The following DCBLD2 variants were observed in gnomAD, a reference collection of about 807,000 sequenced individuals.
DCBLD2 encodes discoidin, CUB and LCCL domain containing 2.
A neutral mutation model predicts 86.8 loss-of-function variants in DCBLD2; 54 were observed. The ratio of observed to expected loss-of-function variants is 0.62; its 90% CI spans 0.50 to 0.78. DCBLD2 has a LOEUF of 0.78. Ranked by LOEUF, DCBLD2 falls within the 30% of genes least tolerant of loss-of-function variation. The pLI, the probability that DCBLD2 is intolerant of heterozygous loss-of-function variation, is 0.00. For missense variants in DCBLD2, 908 were observed against 954.2 expected, an observed-to-expected ratio of 0.95 and a Z score of 0.64; for synonymous variants, 354 against 341.3, an observed-to-expected ratio of 1.04 and a Z score of -0.41.
intron 1 of DCBLD2, chr3:98,900,844 A>T (rs925315339): frequency 2.0e-6 from 1 of 502,804 alleles, no homozygotes. Context: ...AATTTTCCCC[A>T]GAAGGACCTA....
In DCBLD2 at chr3:98,811,259, T is replaced by C; in HGVS notation, c.1511A>G (p.Gln504Arg). 1 of 1,613,040 alleles carries C rather than the reference T, an allele frequency of 6.2e-7. No individual in the cohort carries two copies. The highest frequency in any genetic ancestry group is 1.3e-5 in the African/African-American group (1 of 74,962). The change falls in exon 12 of 16, where the codon CAG (glutamine) becomes CGG (arginine). Residue 504 changes from glutamine (Q) to arginine (R), a missense_variant. By Grantham distance (43) the Gln-to-Arg change is conservative. This residue lies in a region of DCBLD2 where 606 missense variants were observed against 678.5 expected (regional missense o/e 0.89). Transcript: ENST00000326840. ...QPRSSNEFPA[Q>R]TEQTTASPDI... ...AGGACTGGCAGTTGTTTGTTCTGTC[T>C]GTGCAGGAAATTCATTGCTACTGCG...
At chr3:98,822,624 A>G (rs760352412) in intron 5 of DCBLD2, 45 bp downstream of exon 5, 13 of 1,508,106 alleles carry the variant, frequency 8.6e-6, no homozygotes, top group South Asian at 1.3e-5. Context: ...TTCTAAAAAA[A>G]TAGAGTTATA....
At chr3:98,879,531 C>G (rs377499598) in intron 2 of DCBLD2, among the ~76,000 whole-genome samples, 2 of 152,054 alleles carry the variant, frequency 1.3e-5, no homozygotes, top group African/African-American at 4.8e-5. Flanking sequence ...GGACTACAGG[C>G]GCCCGCCACC....
At chr3:98,848,488 T>G (rs1263074557) in intron 3 of DCBLD2, among the ~76,000 whole-genome samples, 1 of 152,226 alleles carries the variant, frequency 6.6e-6, no homozygotes, top group East Asian at 1.9e-4. Flanking sequence ...ATATATCCAG[T>G]AATAGGATTG....
At chr3:98,827,047 A>C (rs1156381577) in intron 3 of DCBLD2, among the ~76,000 whole-genome samples, 1 of 152,178 alleles carries the variant, frequency 6.6e-6, no homozygotes, top group Non-Finnish European at 1.5e-5. Flanking sequence ...AGAGCTTAAT[A>C]ACTGTGTTGT....
At chr3:98,801,186 G>T in intron 14 of DCBLD2, 1 of 238,048 alleles carries the variant, frequency 4.2e-6, no homozygotes, top group East Asian at 8.4e-5. Context: ...CATCATGGGA[G>T]ACCTCCCGAT....
At chr3:98,854,921 G>C (rs1294062014) in intron 2 of DCBLD2, among the ~76,000 whole-genome samples, 1 of 152,166 alleles carries the variant, frequency 6.6e-6, no homozygotes, top group African/African-American at 2.4e-5. Context: ...ACTTTGAGAA[G>C]AGCTTCACGA....
chr3:98,845,666 A>G (rs1052102426), intron 3 of DCBLD2, among the ~76,000 whole-genome samples: 1 of 152,134 alleles, frequency 6.6e-6, no homozygotes, highest in African/African-American at 2.4e-5. Flanking sequence ...AACAGCTTCC[A>G]TGCACTCTTA....
intron 13 of DCBLD2, among the ~76,000 whole-genome samples, chr3:98,805,701 C>T (rs1941825263): frequency 1.3e-5 from 2 of 152,278 alleles, no homozygotes; most frequent in East Asian, 1.9e-4. Context: ...CAGCTCAGAT[C>T]GTGTCCTTAA....
At chr3:98,861,205 G>A (rs1406568642) in intron 2 of DCBLD2, among the ~76,000 whole-genome samples, 1 of 152,156 alleles carries the variant, frequency 6.6e-6, no homozygotes. Context: ...GCCAATACAG[G>A]AGAACCCAGA....
At chr3:98,841,095 T>C (rs916888693) in intron 3 of DCBLD2, among the ~76,000 whole-genome samples, 11 of 152,144 alleles carry the variant, frequency 7.2e-5, no homozygotes, top group African/African-American at 2.7e-4. Flanking sequence ...ATAGTATCTA[T>C]AAAAAGAGTT....
At chr3:98,801,508 G>C in intron 14 of DCBLD2, 92 bp downstream of exon 14, 1 of 985,280 alleles carries the variant, frequency 1.0e-6, no homozygotes, top group South Asian at 1.7e-5. Flanking sequence ...GAGTTCACCT[G>C]GGCCAGAGAA....
Position 98,881,616 on chromosome 3 carries a change from G to A in DCBLD2, c.357C>T (p.Asp119=), listed in dbSNP as rs376023640. The change falls in exon 2 of 16, where the codon GAC becomes GAT. Residue 119 remains aspartate, a synonymous_variant. Transcript: ENST00000326840. ...AGTGACAAGAATCAGAATCTTCAAT[G>A]TCAAAGTCACCAAATTTGATGCGAA... ...ERVRIKFGDF[D]IEDSDSCHFN... is the part of the protein sequence containing the mutation. 8.7e-6 allele frequency: 14 copies of A among 1,613,870 alleles called. No individual in the cohort carries two copies. Among genetic ancestry groups the A allele is most frequent in the Non-Finnish European group, 1.2e-5 (14 of 1,179,856 alleles).
chr3:98,813,034 T>G (rs1191153659), intron 9 of DCBLD2: 1 of 152,234 alleles, frequency 6.6e-6, no homozygotes, highest in Non-Finnish European at 1.5e-5. Flanking sequence ...TTATCCCGGT[T>G]TTTGTTCCAT....
At chr3:98,888,016 T>C (rs1056184055) in intron 1 of DCBLD2, among the ~76,000 whole-genome samples, 1 of 152,032 alleles carries the variant, frequency 6.6e-6, no homozygotes, top group African/African-American at 2.4e-5. Context: ...TGGTAACCAC[T>C]GATCTTTTTC....
At chr3:98,887,643 T>A (rs1266325406) in intron 1 of DCBLD2, among the ~76,000 whole-genome samples, 1 of 152,042 alleles carries the variant, frequency 6.6e-6, no homozygotes. Context: ...TGGTAAAACA[T>A]ATATAACATA....
At chr3:98,896,715 A>G (rs1943756623) in intron 1 of DCBLD2, among the ~76,000 whole-genome samples, 1 of 152,192 alleles carries the variant, frequency 6.6e-6, no homozygotes, top group Admixed American at 6.5e-5. Flanking sequence ...AAAAATAAAT[A>G]CAAAGTCCTA....
intron 3 of DCBLD2, among the ~76,000 whole-genome samples, chr3:98,828,451 AAAAAGATGCTCAGCAT>A (rs1419775437): frequency 6.6e-6 from 1 of 152,230 alleles, no homozygotes; most frequent in Non-Finnish European, 1.5e-5. Flanking sequence ...ACAGGCACAT[AAAAAGATGCTCAGCAT>A]CATTAGCCAT....
Position 98,802,548 on chromosome 3 carries a change from G to C in DCBLD2, c.1671-899C>G, listed in dbSNP as rs373343049. Among the ~76,000 whole-genome samples, 494 of 152,126 alleles carry C rather than the reference G, an allele frequency of 3.2e-3. 1 individual carries two copies. Among genetic ancestry groups the C allele is most frequent in the African/African-American group, 0.011 (461 of 41,510 alleles). ...TAGTTTCTTTTGCTGTGCAGAAGCT[G>C]TTTAGTTTAATTAGATCCCATTTGT... On this transcript the variant is annotated intron_variant, in intron 13 of 15. Transcript: ENST00000326840.
Sources: gnomAD v4.1 joint callset for allele counts (sites outside exome capture counted in the v4.1 genomes callset) on GRCh38, gnomAD v4.1.1 for gene constraint, gnomAD v4.1.1 regional missense constraint, MANE v1.5 for transcripts, NCBI Gene and HGNC (gene_info 2026-07-23, HGNC 2026-07-21) for gene names.